The following BACE2 variants were observed in gnomAD, a reference collection of about 807,000 sequenced individuals.
BACE2 encodes the protein beta-secretase 2, also known as 56 kDa aspartic-like protease.
A neutral mutation model predicts 46.2 loss-of-function variants in BACE2; 17 were observed. That is an observed-to-expected ratio of 0.37 (90% CI 0.25 to 0.55). The LOEUF (loss-of-function observed/expected upper bound fraction) is 0.55. Among genes scored for constraint, BACE2 ranks in the 20% least tolerant of loss-of-function variants. The pLI is 0.82. For missense variants in BACE2, 595 were observed against 698.1 expected (o/e 0.85, Z 1.66); for synonymous variants, 277 against 295.9 (o/e 0.94, Z 0.66).
At chr21:41,186,090 C>G (rs369313809) in intron 1 of BACE2, 1 of 152,278 alleles carries the variant, frequency 6.6e-6, no homozygotes, top group Non-Finnish European at 1.5e-5. Context: ...GGGAACTGAC[C>G]GCTTAGCCAA....
Position 41,272,526 on chromosome 21 carries a change from G to T in BACE2, c.1304-2845G>T, listed in dbSNP as rs529913233. The stretch of plus-strand genomic sequence containing the variant: ...TCTGTGCTTCATTTCTATTGTTTTG[G>T]TTTTTTTTAAATTCATTAGTCTGTT... On this transcript the variant is annotated intron_variant, in intron 8 of 8. Transcript: ENST00000330333. 8.7e-5 allele frequency among the ~76,000 whole-genome samples: 13 copies of T among 148,824 alleles called. No homozygotes were observed. In the South Asian group the frequency reaches 1.9e-3, roughly 22 times the overall value.
chr21:41,174,858 G>T (rs1363274920), intron 1 of BACE2, among the ~76,000 whole-genome samples: 2 of 152,158 alleles, frequency 1.3e-5, no homozygotes, highest in Non-Finnish European at 2.9e-5. Flanking sequence ...AGACACTGGG[G>T]TTCATTGTAT....
intron 7 of BACE2, among the ~76,000 whole-genome samples, chr21:41,256,184 G>T (rs1293754590): frequency 6.6e-6 from 1 of 151,800 alleles, no homozygotes; most frequent in Non-Finnish European, 1.5e-5. Context: ...GTGATTTGTT[G>T]CGCCCATCAA....
rs534921095 is a variant in BACE2 at position 41,223,589 on chromosome 21, G to A, written c.313-2677G>A. Among the ~76,000 whole-genome samples, 167 of 152,206 alleles carry A rather than the reference G, an allele frequency of 1.1e-3. 1 individual carries two copies. Among genetic ancestry groups the A allele is most frequent in the African/African-American group, 2.7e-3 (114 of 41,528 alleles). On this transcript the variant is annotated intron_variant, in intron 1 of 8. Transcript: ENST00000330333. Reference sequence around the variant, plus strand: ...GTGTGTCTGCTTTCCGTGCATTTTCGTCTCCCTGGAAGGACGCCTGTGATA... The same window carrying A: ...GTGTGTCTGCTTTCCGTGCATTTTCATCTCCCTGGAAGGACGCCTGTGATA...
intron 5 of BACE2, among the ~76,000 whole-genome samples, chr21:41,243,915 C>CT (rs11463654): frequency 0.36 from 54,511 of 151,982 alleles, 12,611 homozygotes; most frequent in African/African-American, 0.66. Flanking sequence ...AGATCATCAG[C>CT]TTTTATCCTC....
intron 2 of BACE2, 148 bp downstream of exon 2, chr21:41,226,502 ATGTG>A: frequency 1.6e-6 from 1 of 645,134 alleles, no homozygotes; most frequent in Non-Finnish European, 2.7e-6. Flanking sequence ...ACATGTGGAC[ATGTG>A]TATGCATATG....
At chr21:41,262,384 G>A (rs1987962093) in intron 8 of BACE2, among the ~76,000 whole-genome samples, 2 of 152,070 alleles carry the variant, frequency 1.3e-5, no homozygotes, top group Admixed American at 1.3e-4. Context: ...TGAGCATTCT[G>A]TTCCATTCCA....
At position 41,231,985 on chromosome 21, in the gene BACE2, G is replaced by A. The variant is rs75074348; in HGVS notation, c.402-5528G>A. 7.6e-3 allele frequency among the ~76,000 whole-genome samples: 1,153 copies of A among 151,312 alleles called. 8 individuals carry two copies. Among genetic ancestry groups the A allele is most frequent in the African/African-American group, 0.026 (1,087 of 41,168 alleles). On this transcript the variant is annotated intron_variant, in intron 2 of 8. Transcript: ENST00000330333. ...GTTTTACTCAGAGGTTTAGTTCAAG[G>A]AACCCAGAGAATATGAATATGAACT...
intron 1 of BACE2, among the ~76,000 whole-genome samples, chr21:41,218,808 C>T (rs1250730364): frequency 6.6e-6 from 1 of 151,748 alleles, no homozygotes; most frequent in Non-Finnish European, 1.5e-5. Context: ...TGTTATAATC[C>T]AGCACTTCTT....
At chr21:41,270,114 T>G (rs2088419980) in intron 8 of BACE2, among the ~76,000 whole-genome samples, 1 of 152,236 alleles carries the variant, frequency 6.6e-6, no homozygotes, top group Non-Finnish European at 1.5e-5. Context: ...TTCATGTACT[T>G]TTTTGCCATT....
intron 8 of BACE2, among the ~76,000 whole-genome samples, chr21:41,260,414 G>A (rs1314500725): frequency 2.0e-5 from 3 of 152,196 alleles, no homozygotes; most frequent in Non-Finnish European, 2.9e-5. Context: ...CAAAGTGCTG[G>A]GATTACAGGC....
At chr21:41,268,610 A>G (rs1036042381) in intron 8 of BACE2, among the ~76,000 whole-genome samples, 35 of 152,170 alleles carry the variant, frequency 2.3e-4, no homozygotes, top group African/African-American at 8.2e-4. Context: ...GACTCTTTTA[A>G]TTATAAAAGT....
intron 1 of BACE2, chr21:41,186,744 C>G (rs1356515411): frequency 6.6e-6 from 1 of 152,272 alleles, no homozygotes; most frequent in African/African-American, 2.4e-5. Context: ...AGATGCCGCT[C>G]CTTGCAGATC....
chr21:41,259,129 A>G (rs1023777803), intron 8 of BACE2, among the ~76,000 whole-genome samples: 5 of 152,212 alleles, frequency 3.3e-5, no homozygotes, highest in African/African-American at 1.2e-4. Context: ...TTGTTTTCTC[A>G]GTGAATTACT....
chr21:41,173,884 A>G lies in BACE2; in HGVS notation c.312+5309A>G, dbSNP rs1024430491. Among the ~76,000 whole-genome samples the G allele has an allele frequency of 4.6e-5, 7 of 152,278 alleles. No individual in the cohort carries two copies. The South Asian group carries it at 1.5e-3, about 32-fold the overall frequency. On this transcript the variant is annotated intron_variant, in intron 1 of 8. Coordinates refer to ENST00000330333, the MANE Select transcript of BACE2 (RefSeq NM_012105.5). ...AAATACCTATGAGTAATAAACACTT[A>G]TGTTGGGATGGATGTAGAAAGCTTC... is the stretch of plus-strand genomic sequence containing the variant.
rs143031060 is a variant in BACE2 at position 41,183,483 on chromosome 21, A to G, written c.312+14908A>G. 314 of 166,858 alleles carry G rather than the reference A, an allele frequency of 1.9e-3. 1 individual carries two copies. The highest frequency in any genetic ancestry group is 6.8e-3 in the African/African-American group (282 of 41,588). The allele number at this position is 166,858 out of a possible 1,614,324, so 10.3% of individuals were successfully genotyped here. ...ACAACTGGATTCAAGTTATTTACAG[A>G]ACTGGGACCCATCTACCTGGCCAAA... On this transcript the variant is annotated intron_variant, in intron 1 of 8. Coordinates refer to ENST00000330333, the MANE Select transcript of BACE2 (RefSeq NM_012105.5).
At chr21:41,183,647 CAGT>C (rs1483130767) in intron 1 of BACE2, 2 of 167,154 alleles carry the variant, frequency 1.2e-5, no homozygotes, top group African/African-American at 2.4e-5. Context: ...AGAGCACACT[CAGT>C]GGTGGAAATA....
intron 1 of BACE2, chr21:41,178,174 G>C (rs535827044): frequency 6.6e-6 from 1 of 152,426 alleles, no homozygotes; most frequent in South Asian, 2.1e-4. Flanking sequence ...GACACAGCAG[G>C]TCGGCTGGCC....
rs2088543272 is a variant in BACE2, at chr21:41,281,132, G to A, written c.*5508G>A. The A allele has an allele frequency of 6.6e-6, 1 of 152,250 alleles. No homozygotes were observed. Among genetic ancestry groups the A allele is most frequent in the Non-Finnish European group, 1.5e-5 (1 of 68,050 alleles). 9.4% of individuals were successfully genotyped at this position (152,250 alleles called of 1,614,324 possible). A position where few individuals can be genotyped will look rare whatever the true frequency, so the allele number is the denominator to read the frequency against. ...TGTCTCTCCTCTGGGAATCAGGGCAGCCCTGAGAAGTGAGCAGTTCCCTTT... is the reference window on the plus strand; with the variant it reads ...TGTCTCTCCTCTGGGAATCAGGGCAACCCTGAGAAGTGAGCAGTTCCCTTT... On this transcript the variant is annotated 3_prime_UTR_variant, in exon 9 of 9. Coordinates refer to ENST00000330333, the MANE Select transcript of BACE2 (RefSeq NM_012105.5).
Sources: gnomAD v4.1 joint callset for allele counts (sites outside exome capture counted in the v4.1 genomes callset) on GRCh38, gnomAD v4.1.1 for gene constraint, MANE v1.5 for transcripts, NCBI Gene and HGNC (gene_info 2026-07-23, HGNC 2026-07-21) for gene names.